The following CNTN4 variants were observed in gnomAD, a reference collection of about 807,000 sequenced individuals.
CNTN4 encodes contactin 4.
CNTN4 carries 77 observed loss-of-function variants against 122.5 expected under a neutral mutation model. The ratio of observed to expected loss-of-function variants is 0.63; its 90% CI spans 0.52 to 0.76. The LOEUF (loss-of-function observed/expected upper bound fraction) is 0.76. Ranked by LOEUF, CNTN4 falls within the 30% of genes least tolerant of loss-of-function variation. CNTN4 has a pLI of 0.00. For missense variants in CNTN4, 1,256 were observed against 1,259.1 expected (o/e 1.00, Z 0.04); for synonymous variants, 512 against 447.0 (o/e 1.15, Z -1.83).
intron 5 of CNTN4, among the ~76,000 whole-genome samples, chr3:2,740,807 A>T (rs186361767): frequency 4.3e-4 from 65 of 152,354 alleles, no homozygotes; most frequent in Admixed American, 1.3e-4. Context: ...GGTAAAGGAC[A>T]TTGTATTCAA....
intron 3 of CNTN4, among the ~76,000 whole-genome samples, chr3:2,544,719 C>T (rs919158138): frequency 6.6e-6 from 1 of 150,798 alleles, no homozygotes; most frequent in Non-Finnish European, 1.5e-5. Context: ...GGTAATGTCC[C>T]CTTTGTCGTT....
At chr3:2,208,492 C>T (rs1425486172) in intron 2 of CNTN4, among the ~76,000 whole-genome samples, 1 of 152,122 alleles carries the variant, frequency 6.6e-6, no homozygotes, top group African/African-American at 2.4e-5. Context: ...ATGAAATCTA[C>T]TCCTGGTGAA....
chr3:2,849,434 T>C (rs549338020), intron 7 of CNTN4, among the ~76,000 whole-genome samples: 1 of 152,322 alleles, frequency 6.6e-6, no homozygotes, highest in East Asian at 1.9e-4. Flanking sequence ...TTTGCCACAC[T>C]AATTTTTTTT....
intron 17 of CNTN4, 104 bp from the exon 18 acceptor site, chr3:3,037,075 C>T: frequency 7.5e-7 from 1 of 1,341,290 alleles, no homozygotes; most frequent in Non-Finnish European, 1.1e-6. Flanking sequence ...GCCCTGAATA[C>T]AATAATGATG....
At chr3:2,768,776 T>C (rs578017968) in intron 6 of CNTN4, among the ~76,000 whole-genome samples, 102 of 152,354 alleles carry the variant, frequency 6.7e-4, no homozygotes, top group African/African-American at 2.3e-3. Context: ...TTTTCCTTTT[T>C]AGAAAGTACT....
chr3:2,223,981 T>G (rs573352136), intron 2 of CNTN4, among the ~76,000 whole-genome samples: 4 of 152,176 alleles, frequency 2.6e-5, no homozygotes, highest in South Asian at 4.2e-4. Context: ...TGTGGAGAGA[T>G]AAGAGACAGG....
intron 2 of CNTN4, among the ~76,000 whole-genome samples, chr3:2,312,735 A>T (rs566710926): frequency 6.6e-6 from 1 of 152,074 alleles, no homozygotes; most frequent in Non-Finnish European, 1.5e-5. Context: ...TTTTTTTCCA[A>T]ATGTTGGAGA....
Position 2,886,495 on chromosome 3 carries a change from T to C in CNTN4, c.756-545T>C, listed in dbSNP as rs73112795. 1.4e-3 allele frequency among the ~76,000 whole-genome samples: 204 copies of C among 151,028 alleles called. 1 individual carries two copies. The highest frequency in any genetic ancestry group is 4.8e-3 in the African/African-American group (197 of 41,166). Reference sequence around the variant, plus strand: ...TCTGTTTTTATTTCAATGATGATATTGTATAGGAGATAGATCACTTTTTTT... The same window carrying C: ...TCTGTTTTTATTTCAATGATGATATCGTATAGGAGATAGATCACTTTTTTT... On this transcript the variant is annotated intron_variant, in intron 9 of 24. Coordinates refer to ENST00000418658, the MANE Select transcript of CNTN4 (RefSeq NM_175607.3).
intron 14 of CNTN4, among the ~76,000 whole-genome samples, chr3:2,996,609 ATAAT>A (rs1408156590): frequency 2.6e-5 from 4 of 152,232 alleles, no homozygotes; most frequent in East Asian, 1.9e-4. Context: ...TGTGAAGCAC[ATAAT>A]TAATTTCTTT....
At chr3:2,791,081 A>G (rs571778673) in intron 6 of CNTN4, among the ~76,000 whole-genome samples, 1 of 152,354 alleles carries the variant, frequency 6.6e-6, no homozygotes, top group South Asian at 2.1e-4. Flanking sequence ...TTGAGTCGGC[A>G]GAATTTCAGT....
chr3:2,170,696 C>CT (rs1319487778), intron 2 of CNTN4, among the ~76,000 whole-genome samples: 1 of 151,916 alleles, frequency 6.6e-6, no homozygotes, highest in African/African-American at 2.4e-5. Flanking sequence ...TGAACAGAGC[C>CT]TTTTGGAAGA....
intron 4 of CNTN4, among the ~76,000 whole-genome samples, chr3:2,682,571 A>G (rs1335138856): frequency 6.6e-6 from 1 of 152,178 alleles, no homozygotes; most frequent in Non-Finnish European, 1.5e-5. Flanking sequence ...ACTAGGCTAA[A>G]AACAAAGGCA....
chr3:2,121,340 A>G (rs916782820), intron 2 of CNTN4, among the ~76,000 whole-genome samples: 10 of 152,130 alleles, frequency 6.6e-5, no homozygotes, highest in Admixed American at 4.6e-4. Flanking sequence ...TCTACTAAAA[A>G]TAGAAAAATT....
intron 2 of CNTN4, among the ~76,000 whole-genome samples, chr3:2,272,865 T>G (rs1286913350): frequency 1.3e-5 from 2 of 152,032 alleles, no homozygotes; most frequent in African/African-American, 4.8e-5. Flanking sequence ...GTGATTGGAC[T>G]CTCAGATGCT....
intron 3 of CNTN4, among the ~76,000 whole-genome samples, chr3:2,570,193 A>G (rs1057228333): frequency 2.0e-5 from 3 of 151,690 alleles, no homozygotes; most frequent in Non-Finnish European, 4.4e-5. Context: ...TTTTTCTCTG[A>G]GACAGGGTCT....
At chr3:2,272,821 T>A (rs918094261) in intron 2 of CNTN4, among the ~76,000 whole-genome samples, 30 of 150,108 alleles carry the variant, frequency 2.0e-4, no homozygotes, top group Admixed American at 1.3e-3. Flanking sequence ...TTTTTTTTTT[T>A]ATTTAACCAC....
intron 3 of CNTN4, among the ~76,000 whole-genome samples, chr3:2,475,731 C>T (rs945847957): frequency 1.3e-5 from 2 of 151,970 alleles, no homozygotes; most frequent in Non-Finnish European, 1.5e-5. Context: ...AAAATAACAA[C>T]AATAATAATA....
chr3:2,864,658 G>A (rs781493064), intron 7 of CNTN4, among the ~76,000 whole-genome samples: 1 of 148,752 alleles, frequency 6.7e-6, no homozygotes, highest in African/African-American at 2.5e-5. Context: ...AGAATTGCTT[G>A]AACCCAGGAG....
intron 2 of CNTN4, among the ~76,000 whole-genome samples, chr3:2,217,201 A>G (rs2038880330): frequency 1.3e-5 from 2 of 151,958 alleles, no homozygotes; most frequent in Non-Finnish European, 2.9e-5. Context: ...CTTCCTCCTC[A>G]TGCTTCAACA....
Sources: gnomAD v4.1 joint callset for allele counts (sites outside exome capture counted in the v4.1 genomes callset) on GRCh38, gnomAD v4.1.1 for gene constraint, MANE v1.5 for transcripts, NCBI Gene and HGNC (gene_info 2026-07-23, HGNC 2026-07-21) for gene names.